The following DPYD variants were observed in gnomAD, a reference collection of about 807,000 sequenced individuals.
The protein encoded by DPYD is dihydropyrimidine dehydrogenase [NADP(+)].
A neutral mutation model predicts 116.2 loss-of-function variants in DPYD; 109 were observed. The ratio of observed to expected loss-of-function variants is 0.94; its 90% confidence interval spans 0.80 to 1.10. The LOEUF (loss-of-function observed/expected upper bound fraction) is 1.10, where lower values mean the gene tolerates loss of function less well. DPYD is among the 50% of genes least tolerant of loss of function. The probability of loss-of-function intolerance (pLI) is 0.00; values close to 1 mark genes in which losing one functional copy is unlikely to be tolerated. For synonymous variants in DPYD, 440 were observed against 432.0 expected, an observed-to-expected ratio of 1.02 and a Z score of -0.23; for missense variants, 1,302 against 1,254.5, an observed-to-expected ratio of 1.04 and a Z score of -0.57.
chr1:97,432,832 C>T (rs1365883399), intron 14 of DPYD, among the ~76,000 whole-genome samples: 1 of 152,096 alleles, frequency 6.6e-6, no homozygotes, highest in African/African-American at 2.4e-5. Flanking sequence ...TAGTTAGATT[C>T]GGTTCTTCAT....
At chr1:97,390,593 G>A (rs1371075544) in intron 14 of DPYD, among the ~76,000 whole-genome samples, 1 of 151,728 alleles carries the variant, frequency 6.6e-6, no homozygotes, top group Non-Finnish European at 1.5e-5. Context: ...TTACTTAATG[G>A]TCATAAATGA....
At chr1:97,543,299 G>A (rs888511117) in intron 12 of DPYD, among the ~76,000 whole-genome samples, 1 of 151,964 alleles carries the variant, frequency 6.6e-6, no homozygotes, top group Non-Finnish European at 1.5e-5. Context: ...ATGCATTGTG[G>A]TACCCTCCCG....
chr1:97,556,650 C>A (rs942549104), intron 11 of DPYD, among the ~76,000 whole-genome samples: 3 of 150,518 alleles, frequency 2.0e-5, no homozygotes, highest in African/African-American at 7.3e-5. Flanking sequence ...ATGATGATTT[C>A]CAATTTCATC....
chr1:97,565,828 G>T (rs1343946815), intron 11 of DPYD, among the ~76,000 whole-genome samples: 1 of 152,138 alleles, frequency 6.6e-6, no homozygotes. Context: ...GGTGAATAAT[G>T]AGAGAATGAA....
chr1:97,116,808 T>C (rs533515951), intron 20 of DPYD, among the ~76,000 whole-genome samples: 21 of 152,108 alleles, frequency 1.4e-4, no homozygotes, highest in Non-Finnish European at 2.9e-4. Context: ...CAGTGTTTTA[T>C]ATACAGATAA....
chr1:97,907,631 T>C (rs560942849), intron 1 of DPYD, among the ~76,000 whole-genome samples: 1 of 152,218 alleles, frequency 6.6e-6, no homozygotes, highest in African/African-American at 2.4e-5. Flanking sequence ...TTACAAATGT[T>C]AGTTATCCCC....
chr1:97,466,941 G>T (rs764026103), intron 13 of DPYD, among the ~76,000 whole-genome samples: 11 of 152,128 alleles, frequency 7.2e-5, no homozygotes, highest in African/African-American at 9.7e-5. Context: ...GGCCTGCAGT[G>T]GGGGGTGGAG....
intron 11 of DPYD, among the ~76,000 whole-genome samples, chr1:97,569,308 A>C (rs886959494): frequency 1.3e-5 from 2 of 151,752 alleles, no homozygotes; most frequent in African/African-American, 4.8e-5. Context: ...ACACTGTACC[A>C]ACAAACAAGA....
At chr1:97,233,822 T>C (rs1661733481) in intron 19 of DPYD, among the ~76,000 whole-genome samples, 1 of 152,176 alleles carries the variant, frequency 6.6e-6, no homozygotes, top group South Asian at 2.1e-4. Context: ...CAGTTTTACA[T>C]ATAAGGGTTT....
intron 10 of DPYD, among the ~76,000 whole-genome samples, chr1:97,578,599 GA>G (rs1653432011): frequency 6.6e-6 from 1 of 152,142 alleles, no homozygotes; most frequent in Non-Finnish European, 1.5e-5. Flanking sequence ...AATCCTATGT[GA>G]TCTTCATTAT....
chr1:97,804,408 A>G lies in DPYD; in HGVS notation c.233+23706T>C, dbSNP rs553014219. On this transcript the variant is annotated intron_variant, in intron 3 of 22. Transcript: ENST00000370192. ...AATCATGCAAATTACTTCCCATAAT[A>G]TAAAGTCCTAAAACTATTTGTGAAG... Among the ~76,000 whole-genome samples, 174 of 152,002 alleles carry G rather than the reference A, an allele frequency of 1.1e-3. 1 individual carries two copies. Among genetic ancestry groups the G allele is most frequent in the Non-Finnish European group, 1.8e-3 (121 of 67,788 alleles).
intron 8 of DPYD, among the ~76,000 whole-genome samples, chr1:97,621,173 T>C (rs2100771093): frequency 6.6e-6 from 1 of 152,304 alleles, no homozygotes; most frequent in Non-Finnish European, 1.5e-5. Flanking sequence ...GTCCTTTCAG[T>C]AGTACAGAAA....
intron 20 of DPYD, among the ~76,000 whole-genome samples, chr1:97,149,062 T>C (rs566189261): frequency 6.6e-6 from 1 of 152,310 alleles, no homozygotes; most frequent in Non-Finnish European, 1.5e-5. Flanking sequence ...GCAGATGCAC[T>C]AACAGAAGAT....
At chr1:97,754,591 A>G (rs1045998053) in intron 3 of DPYD, among the ~76,000 whole-genome samples, 1 of 152,140 alleles carries the variant, frequency 6.6e-6, no homozygotes, top group Non-Finnish European at 1.5e-5. Context: ...TTGTTCCTTC[A>G]TTCTTTGTTT....
At chr1:97,848,294 T>C (rs577381857) in intron 2 of DPYD, among the ~76,000 whole-genome samples, 2 of 152,322 alleles carry the variant, frequency 1.3e-5, no homozygotes, top group South Asian at 4.1e-4. Flanking sequence ...AGACGGGGTT[T>C]CACCGTGTTA....
At chr1:97,237,997 G>A (rs974529500) in intron 18 of DPYD, among the ~76,000 whole-genome samples, 2 of 151,836 alleles carry the variant, frequency 1.3e-5, no homozygotes, top group African/African-American at 2.4e-5. Flanking sequence ...TGATATTAAT[G>A]GACATAAAAA....
intron 3 of DPYD, chr1:97,796,831 T>C (rs1052013552): frequency 6.6e-6 from 1 of 152,158 alleles, no homozygotes; most frequent in South Asian, 2.1e-4. Context: ...TGAAATTAAT[T>C]TGTGGCACTA....
intron 5 of DPYD, among the ~76,000 whole-genome samples, chr1:97,703,155 T>C (rs909050595): frequency 6.6e-5 from 10 of 152,054 alleles, no homozygotes; most frequent in Non-Finnish European, 1.0e-4. Flanking sequence ...TACAACTTTT[T>C]ATTGCACTAG....
chr1:97,354,378 T>C (rs536045994), intron 16 of DPYD, among the ~76,000 whole-genome samples: 6 of 152,276 alleles, frequency 3.9e-5, no homozygotes, highest in Non-Finnish European at 8.8e-5. Flanking sequence ...ACATCTTTCA[T>C]CCTCCAAACT....
Sources: allele counts gnomAD v4.1 joint callset (sites outside exome capture counted in the v4.1 genomes callset), GRCh38; gene constraint gnomAD v4.1.1; transcripts MANE v1.5; gene names NCBI Gene and HGNC (gene_info 2026-07-23, HGNC 2026-07-21).